The following TNIK variants were observed in gnomAD, a reference collection of about 807,000 sequenced individuals.
TNIK encodes TRAF2 and NCK interacting kinase.
A neutral mutation model predicts 191.3 loss-of-function variants in TNIK; 49 were observed. The observed-to-expected ratio is 0.26, with a 90% CI of 0.20 to 0.32. TNIK has a LOEUF of 0.32. Ranked by LOEUF, TNIK falls within the 10% of genes least tolerant of loss-of-function variation. The pLI is 1.00. For synonymous variants in TNIK, 594 were observed against 600.9 expected, an observed-to-expected ratio of 0.99 and a Z score of 0.17; for missense variants, 1,155 against 1,702.3, an observed-to-expected ratio of 0.68 and a Z score of 5.66.
intron 2 of TNIK, among the ~76,000 whole-genome samples, chr3:171,310,603 AG>A (rs1294622632): frequency 6.6e-6 from 1 of 152,172 alleles, no homozygotes; most frequent in Non-Finnish European, 1.5e-5. Context: ...AACAGAGAAA[AG>A]AAAATAAGAG....
intron 1 of TNIK, among the ~76,000 whole-genome samples, chr3:171,418,413 C>G (rs954476699): frequency 6.6e-6 from 1 of 152,152 alleles, no homozygotes; most frequent in Non-Finnish European, 1.5e-5. Flanking sequence ...CAGCATTATT[C>G]ATAATAGCCC....
intron 2 of TNIK, among the ~76,000 whole-genome samples, chr3:171,295,067 G>T (rs1752129117): frequency 6.6e-6 from 1 of 151,920 alleles, no homozygotes; most frequent in South Asian, 2.1e-4. Flanking sequence ...CAGTTTGATG[G>T]GCCAGGCTTA....
At chr3:171,325,401 G>A (rs1203774765) in intron 2 of TNIK, among the ~76,000 whole-genome samples, 1 of 152,062 alleles carries the variant, frequency 6.6e-6, no homozygotes, top group Admixed American at 6.5e-5. Flanking sequence ...ATGAGTTGTG[G>A]CTAATAAGAA....
intron 2 of TNIK, among the ~76,000 whole-genome samples, chr3:171,282,582 G>A (rs1750591355): frequency 6.6e-6 from 1 of 152,038 alleles, no homozygotes; most frequent in African/African-American, 2.4e-5. Context: ...GGCCTTAGGT[G>A]ATCCACCTGC....
At chr3:171,080,681 C>T (rs544363263) in intron 27 of TNIK, among the ~76,000 whole-genome samples, 4 of 152,116 alleles carry the variant, frequency 2.6e-5, no homozygotes, top group Middle Eastern at 6.8e-3. Flanking sequence ...TCAAATGATC[C>T]GCCCGCCTCG....
chr3:171,244,210 G>T (rs9864565), intron 2 of TNIK, among the ~76,000 whole-genome samples: 6 of 151,854 alleles, frequency 4.0e-5, no homozygotes, highest in Admixed American at 1.3e-4. Flanking sequence ...GACTACAGGC[G>T]CCCGCCACCA....
At chr3:171,130,236 AAAGT>A (rs990772418) in intron 15 of TNIK, among the ~76,000 whole-genome samples, 1 of 152,242 alleles carries the variant, frequency 6.6e-6, no homozygotes, top group Non-Finnish European at 1.5e-5. Context: ...TCAAATATAC[AAAGT>A]AAGTCTGTTT....
chr3:171,304,139 C>T (rs1406697213), intron 2 of TNIK, among the ~76,000 whole-genome samples: 2 of 152,008 alleles, frequency 1.3e-5, no homozygotes. Flanking sequence ...TGCAGGGAAA[C>T]AAGGTGGCCA....
At chr3:171,434,810 G>T (rs1725832521) in intron 1 of TNIK, among the ~76,000 whole-genome samples, 1 of 151,968 alleles carries the variant, frequency 6.6e-6, no homozygotes, top group African/African-American at 2.4e-5. Flanking sequence ...TTATTCAATG[G>T]CTAACATTTC....
rs182378103 is a variant in TNIK, at chr3:171,254,136, A to C, written c.124-25915T>G. On this transcript the variant is annotated intron_variant, in intron 2 of 32. Coordinates refer to ENST00000436636, the MANE Select transcript of TNIK (RefSeq NM_015028.4). ...ATGTTTATTTTAGCAAGAAAATAGT[A>C]ACTTCCAGTACTTGTGGAACAACAG... 1.8e-4 allele frequency among the ~76,000 whole-genome samples: 28 copies of C among 152,362 alleles called. No individual in the cohort carries two copies. In the East Asian group the frequency reaches 5.4e-3, roughly 29 times the overall value.
At chr3:171,086,009 T>G (rs2108382984) in intron 24 of TNIK, among the ~76,000 whole-genome samples, 1 of 152,298 alleles carries the variant, frequency 6.6e-6, no homozygotes, top group East Asian at 1.9e-4. Context: ...TATTCTAAAT[T>G]TGAGTTTTGC....
chr3:171,164,047 A>G (rs1358611801), intron 10 of TNIK, among the ~76,000 whole-genome samples: 1 of 152,256 alleles, frequency 6.6e-6, no homozygotes, highest in East Asian at 1.9e-4. Flanking sequence ...TCATTTGATC[A>G]AACACCATTC....
At chr3:171,356,874 T>C (rs1008598366) in intron 2 of TNIK, among the ~76,000 whole-genome samples, 4 of 152,190 alleles carry the variant, frequency 2.6e-5, no homozygotes, top group African/African-American at 9.6e-5. Context: ...TTCAAAACCA[T>C]TGTTTTATGT....
intron 2 of TNIK, among the ~76,000 whole-genome samples, chr3:171,324,479 G>A (rs1029258072): frequency 6.6e-6 from 1 of 152,010 alleles, no homozygotes; most frequent in Non-Finnish European, 1.5e-5. Context: ...TCATACAAAT[G>A]GCTGAGTGAG....
chr3:171,100,063 T>C (rs1723253701), intron 22 of TNIK, among the ~76,000 whole-genome samples: 1 of 152,216 alleles, frequency 6.6e-6, no homozygotes, highest in African/African-American at 2.4e-5. Flanking sequence ...GTGAGAGTTT[T>C]AGCAACCTTT....
At chr3:171,281,109 G>C (rs556583649) in intron 2 of TNIK, among the ~76,000 whole-genome samples, 2 of 152,076 alleles carry the variant, frequency 1.3e-5, no homozygotes, top group Non-Finnish European at 2.9e-5. Context: ...AAACATTCTG[G>C]TTCAATTGAG....
chr3:171,084,658 G>A (rs931144288), intron 25 of TNIK, among the ~76,000 whole-genome samples: 1 of 152,144 alleles, frequency 6.6e-6, no homozygotes, highest in African/African-American at 2.4e-5. Context: ...TTGAAAAACT[G>A]TCCTAAGCTG....
At chr3:171,408,684 G>T (rs1223716519) in intron 1 of TNIK, among the ~76,000 whole-genome samples, 2 of 152,130 alleles carry the variant, frequency 1.3e-5, no homozygotes, top group Non-Finnish European at 2.9e-5. Flanking sequence ...ATTAAATGAA[G>T]TGCCATGCTA....
chr3:171,344,696 TA>T (rs376695173), intron 2 of TNIK, among the ~76,000 whole-genome samples: 1 of 152,130 alleles, frequency 6.6e-6, no homozygotes, highest in African/African-American at 2.4e-5. Context: ...GTACTTTTCT[TA>T]AATTACCTCT....
Sources: allele counts gnomAD v4.1 joint callset (sites outside exome capture counted in the v4.1 genomes callset), GRCh38; gene constraint gnomAD v4.1.1; transcripts MANE v1.5; gene names NCBI Gene and HGNC (gene_info 2026-07-23, HGNC 2026-07-21).